RNGTT: variants seen among roughly 807,000 people sequenced by gnomAD.
RNGTT encodes RNA guanylyltransferase and 5'-phosphatase.
RNGTT carries 33 observed loss-of-function variants against 79.3 expected under a neutral mutation model. That is an observed-to-expected ratio of 0.42 (90% confidence interval 0.32 to 0.56). The LOEUF is 0.56. Ranked by LOEUF, RNGTT falls within the 20% of genes least tolerant of loss-of-function variation. RNGTT has a pLI of 0.17. For missense variants in RNGTT, 497 were observed against 739.1 expected (o/e 0.67, Z 3.80); for synonymous variants, 222 against 235.9 (o/e 0.94, Z 0.54).
rs1165245334 is a variant in RNGTT, at chr6:88,799,571, G to A, written c.1338+1993C>T. On this transcript the variant is annotated intron_variant, in intron 12 of 15. Coordinates refer to ENST00000369485, the MANE Select transcript of RNGTT (RefSeq NM_003800.5). ...AAAAATTAGCCGGGCATGGTGGTGC[G>A]CACCTGCAATCCCAGCTACTCAGGA... 5.9e-5 allele frequency among the ~76,000 whole-genome samples: 9 copies of A among 151,682 alleles called. No homozygotes were observed. In the South Asian group the frequency reaches 8.3e-4, roughly 14 times the overall value.
At position 88,735,649 on chromosome 6, in the gene RNGTT, A is replaced by C. The variant is rs115337241; in HGVS notation, c.1439+34125T>G. On this transcript the variant is annotated intron_variant, in intron 13 of 15. Transcript: ENST00000369485. ...ATATTTTGAACTAAATTAAAATGAAAATACAAACTTGCCAAAATTTGTGGG... is the reference window on the plus strand; with the variant it reads ...ATATTTTGAACTAAATTAAAATGAACATACAAACTTGCCAAAATTTGTGGG... 7.7e-3 allele frequency among the ~76,000 whole-genome samples: 1,169 copies of C among 152,012 alleles called. 8 individuals carry two copies. The highest frequency in any genetic ancestry group is 0.026 in the African/African-American group (1,084 of 41,554).
chr6:88,939,723 T>G (rs189886327), intron 2 of RNGTT, among the ~76,000 whole-genome samples: 1 of 152,034 alleles, frequency 6.6e-6, no homozygotes, highest in Non-Finnish European at 1.5e-5. Flanking sequence ...ATGTTTGCCA[T>G]GTCCTTACAT....
At chr6:88,652,109 A>T (rs912997068) in intron 14 of RNGTT, among the ~76,000 whole-genome samples, 2 of 152,182 alleles carry the variant, frequency 1.3e-5, no homozygotes, top group African/African-American at 4.8e-5. Flanking sequence ...CAGATGAATG[A>T]TCACTTGTGA....
chr6:88,740,279 G>A (rs1777440980), intron 13 of RNGTT, among the ~76,000 whole-genome samples: 1 of 152,090 alleles, frequency 6.6e-6, no homozygotes, highest in Non-Finnish European at 1.5e-5. Context: ...GCACTTTGGG[G>A]GGGCCGAGGC....
intron 10 of RNGTT, among the ~76,000 whole-genome samples, chr6:88,847,583 TA>T (rs745846134): frequency 7.2e-5 from 11 of 152,052 alleles, no homozygotes; most frequent in Non-Finnish European, 1.5e-4. Flanking sequence ...ATCAGAAATG[TA>T]AAAATATACG....
At chr6:88,738,124 T>C (rs1395685330) in intron 13 of RNGTT, among the ~76,000 whole-genome samples, 1 of 152,184 alleles carries the variant, frequency 6.6e-6, no homozygotes, top group East Asian at 1.9e-4. Flanking sequence ...TATGTACTCT[T>C]GATACAGTGT....
chr6:88,619,138 T>C (rs1772347989), intron 14 of RNGTT, among the ~76,000 whole-genome samples: 2 of 152,132 alleles, frequency 1.3e-5, no homozygotes, highest in African/African-American at 4.8e-5. Flanking sequence ...GCTTCCACCT[T>C]TTCTCCATGG....
chr6:88,682,361 G>C (rs1775122455), intron 13 of RNGTT, among the ~76,000 whole-genome samples: 1 of 152,090 alleles, frequency 6.6e-6, no homozygotes. Flanking sequence ...AAATTCCACT[G>C]CTTAGGAAGT....
At chr6:88,937,252 A>G (rs1784694669) in intron 2 of RNGTT, among the ~76,000 whole-genome samples, 2 of 152,160 alleles carry the variant, frequency 1.3e-5, no homozygotes, top group African/African-American at 4.8e-5. Flanking sequence ...AGGCTGAAGT[A>G]GAAGAATCAC....
At chr6:88,686,570 G>A (rs1031529338) in intron 13 of RNGTT, among the ~76,000 whole-genome samples, 1 of 151,944 alleles carries the variant, frequency 6.6e-6, no homozygotes, top group African/African-American at 2.4e-5. Context: ...TTGACGTAAG[G>A]ACAAACAAGT....
chr6:88,892,400 G>T (rs1783080274), intron 6 of RNGTT, among the ~76,000 whole-genome samples: 1 of 152,100 alleles, frequency 6.6e-6, no homozygotes, highest in Non-Finnish European at 1.5e-5. Flanking sequence ...TACTATGAAT[G>T]AAGTATGGAC....
chr6:88,805,303 G>A (rs888358067), intron 11 of RNGTT, among the ~76,000 whole-genome samples: 1 of 152,166 alleles, frequency 6.6e-6, no homozygotes, highest in Non-Finnish European at 1.5e-5. Context: ...AAGTCTGGGC[G>A]AGTGGAACAG....
intron 2 of RNGTT, among the ~76,000 whole-genome samples, chr6:88,937,551 G>A (rs1784706991): frequency 6.7e-6 from 1 of 150,204 alleles, no homozygotes; most frequent in Non-Finnish European, 1.5e-5. Context: ...TGTCTATTTT[G>A]TTTAGTTCTG....
At chr6:88,622,565 C>T (rs987768138) in intron 14 of RNGTT, among the ~76,000 whole-genome samples, 3 of 152,130 alleles carry the variant, frequency 2.0e-5, no homozygotes, top group Non-Finnish European at 2.9e-5. Flanking sequence ...TTCTAGGCTT[C>T]CAGGAAACAA....
At chr6:88,806,100 T>C (rs1402998695) in intron 11 of RNGTT, among the ~76,000 whole-genome samples, 1 of 151,992 alleles carries the variant, frequency 6.6e-6, no homozygotes, top group African/African-American at 2.4e-5. Flanking sequence ...CTTTTGTTCA[T>C]ATAGGAAAGA....
chr6:88,640,428 G>A (rs1287952709), intron 14 of RNGTT, among the ~76,000 whole-genome samples: 1 of 150,548 alleles, frequency 6.6e-6, no homozygotes, highest in Non-Finnish European at 1.5e-5. Flanking sequence ...GCATGTGCCT[G>A]TAGTCCCAGC....
At chr6:88,775,827 G>A (rs561480283) in intron 12 of RNGTT, among the ~76,000 whole-genome samples, 4 of 152,232 alleles carry the variant, frequency 2.6e-5, no homozygotes, top group Non-Finnish European at 2.9e-5. Flanking sequence ...ATCTTGCTTA[G>A]TACAATGCCC....
intron 4 of RNGTT, among the ~76,000 whole-genome samples, chr6:88,919,616 G>A (rs890085090): frequency 1.3e-5 from 2 of 151,260 alleles, no homozygotes; most frequent in Admixed American, 1.3e-4. Context: ...ACCACACCTG[G>A]CCCACAATTT....
intron 13 of RNGTT, among the ~76,000 whole-genome samples, chr6:88,762,733 C>G (rs776374659): frequency 5.3e-5 from 8 of 152,098 alleles, no homozygotes; most frequent in South Asian, 2.1e-4. Flanking sequence ...AAAGGACTTA[C>G]ATGTATTATG....
Sources: gnomAD v4.1 joint callset for allele counts (sites outside exome capture counted in the v4.1 genomes callset) on GRCh38, gnomAD v4.1.1 for gene constraint, MANE v1.5 for transcripts, NCBI Gene and HGNC (gene_info 2026-07-23, HGNC 2026-07-21) for gene names.